SDK2: variants seen among roughly 807,000 people sequenced by gnomAD.
The protein encoded by SDK2 is protein sidekick-2.
In SDK2, 105 loss-of-function variants were observed where a neutral mutation model predicts 253.9. The observed-to-expected ratio is 0.41, with a 90% CI of 0.35 to 0.49. The LOEUF is 0.49. Among genes scored for constraint, SDK2 ranks in the 20% least tolerant of loss-of-function variants. The pLI is 0.06. For synonymous variants in SDK2, 1,249 were observed against 1,234.9 expected (o/e 1.01, Z -0.24); for missense variants, 2,608 against 3,003.0 (o/e 0.87, Z 3.07).
Position 73,622,323 on chromosome 17 carries a change from C to T in SDK2, c.64+21702G>A, listed in dbSNP as rs78681245. 4.8e-3 allele frequency among the ~76,000 whole-genome samples: 732 copies of T among 152,318 alleles called. 30 individuals are homozygous for T. Among genetic ancestry groups the T allele is most frequent in the Admixed American group, 0.031 (472 of 15,308 alleles). Reference sequence around the variant, plus strand: ...AGGGGACCCAGGGCCCTCCCTCATGCCCCCGTTATCTGCATGTGCAGATTT... The same window carrying T: ...AGGGGACCCAGGGCCCTCCCTCATGTCCCCGTTATCTGCATGTGCAGATTT... On this transcript the variant is annotated intron_variant, in intron 1 of 44. Transcript: ENST00000392650.
rs190935229 is a variant in SDK2 at position 73,570,394 on chromosome 17, C to A, written c.65-62797G>T. On this transcript the variant is annotated intron_variant, in intron 1 of 44. Transcript: ENST00000392650. The surrounding 1 kb of genome is among the most constrained non-coding windows in gnomAD (Gnocchi z 4.2). ...ATGCTCAATAAAGAGCCTCCAGGTG[C>A]ATGTGAGGGTGGGTGAGGTGGCTCC... 9.8e-5 allele frequency among the ~76,000 whole-genome samples: 15 copies of A among 152,292 alleles called. No individual in the cohort carries two copies. The highest frequency in any genetic ancestry group is 3.4e-3 in the Middle Eastern group (1 of 294).
At chr17:73,521,851 G>A (rs1260175358) in intron 1 of SDK2, among the ~76,000 whole-genome samples, 1 of 152,176 alleles carries the variant, frequency 6.6e-6, no homozygotes, top group Admixed American at 6.5e-5. Context: ...AGGATTCAAT[G>A]CCATAGAACT....
chr17:73,582,139 C>T (rs2045542776), intron 1 of SDK2, among the ~76,000 whole-genome samples: 1 of 152,330 alleles, frequency 6.6e-6, no homozygotes, highest in Non-Finnish European at 1.5e-5. Flanking sequence ...ACACACTGCA[C>T]AGGCCCGAGC....
At chr17:73,516,681 C>T (rs1487064520) in intron 1 of SDK2, 1 of 152,258 alleles carries the variant, frequency 6.6e-6, no homozygotes, top group Non-Finnish European at 1.5e-5. Flanking sequence ...CTCTTGCCCT[C>T]CTTCGTCTAA....
intron 1 of SDK2, among the ~76,000 whole-genome samples, chr17:73,558,725 C>A (rs1302144226): frequency 6.6e-6 from 1 of 152,104 alleles, no homozygotes; most frequent in Admixed American, 6.6e-5. Flanking sequence ...AAGTCAGTGC[C>A]CAAGTTAACA....
Position 73,455,996 on chromosome 17 carries a change from G to C in SDK2, c.389C>G (p.Ala130Gly). 1 of 1,546,718 alleles carries C rather than the reference G, an allele frequency of 6.5e-7. No individual in the cohort carries two copies. Among genetic ancestry groups the C allele is most frequent in the Non-Finnish European group, 8.7e-7 (1 of 1,144,596 alleles). The change falls in exon 4 of 45, where the codon GCT becomes GGT. Residue 130 changes from alanine to glycine, a missense_variant. Ala to Gly is a moderately conservative substitution (Grantham distance 60). Around this residue, in one of 2 missense-constraint regions of SDK2, gnomAD observed 1,505 missense variants for 1,859.1 expected, o/e 0.81. Transcript: ENST00000392650. This position sits in a 1 kb window ranked among gnomAD's most constrained non-coding sequence, Gnocchi z 5.0. ...KHQSVSHGEAAVIRAPRIASF... is the reference protein window; with the variant it reads ...KHQSVSHGEAGVIRAPRIASF... ...GGCGATGCGCGGGGCACGGATGACA[G>C]CTGCTTCTCCGTGGGAGACGCTCTG... is the stretch of plus-strand genomic sequence containing the variant.
intron 5 of SDK2, among the ~76,000 whole-genome samples, chr17:73,442,877 T>G (rs1051927826): frequency 4.1e-4 from 44 of 106,334 alleles, no homozygotes; most frequent in Non-Finnish European, 3.7e-4. Context: ...GTGGTAGCAA[T>G]TCCTTTTTTT....
At chr17:73,502,840 C>T (rs535283876) in intron 2 of SDK2, among the ~76,000 whole-genome samples, 8 of 152,170 alleles carry the variant, frequency 5.3e-5, no homozygotes, top group Admixed American at 1.3e-4. Flanking sequence ...TCATCAATAA[C>T]GAAGGGAAGA....
rs376429225 is a variant in SDK2 at position 73,596,000 on chromosome 17, G to T, written c.64+48025C>A. 5.9e-5 allele frequency among the ~76,000 whole-genome samples: 9 copies of T among 151,322 alleles called. No homozygotes were observed. The East Asian group carries it at 1.7e-3, about 29-fold the overall frequency. Reference sequence around the variant, plus strand: ...CAGAAGTCAGAGGTCTTGGCCTTAGGGGGATACAGTGAGGCCTCGGCACTC... The same window carrying T: ...CAGAAGTCAGAGGTCTTGGCCTTAGTGGGATACAGTGAGGCCTCGGCACTC... On this transcript the variant is annotated intron_variant, in intron 1 of 44. Transcript: ENST00000392650.
At chr17:73,401,848 C>T in intron 19 of SDK2, 96 bp from the exon 20 acceptor site, 1 of 1,410,464 alleles carries the variant, frequency 7.1e-7, no homozygotes, top group South Asian at 1.3e-5. Flanking sequence ...GGGGGTATCT[C>T]AGCCTGGGAG....
At chr17:73,490,337 C>T (rs540931841) in intron 2 of SDK2, among the ~76,000 whole-genome samples, 53 of 152,254 alleles carry the variant, frequency 3.5e-4, no homozygotes, top group African/African-American at 1.2e-3. Context: ...TCAAACTACT[C>T]GGCTTTGCTC....
rs1362908846 is a variant in SDK2 at position 73,570,988 on chromosome 17, C to T, written c.65-63391G>A. Reference sequence around the variant, plus strand: ...GGTCCTGAGTGGCTGCTGGGACCTTCCCAATGCCTGGGTGAAACTCCAGAG... The same window carrying T: ...GGTCCTGAGTGGCTGCTGGGACCTTTCCAATGCCTGGGTGAAACTCCAGAG... On this transcript the variant is annotated intron_variant, in intron 1 of 44. Transcript: ENST00000392650. The surrounding 1 kb of genome is among the most constrained non-coding windows in gnomAD (Gnocchi z 4.2). Among the ~76,000 whole-genome samples, 4 of 152,090 alleles carry T rather than the reference C, an allele frequency of 2.6e-5. No homozygotes were observed. Among genetic ancestry groups the T allele is most frequent in the Non-Finnish European group, 4.4e-5 (3 of 68,008 alleles).
In SDK2 at chr17:73,419,233, T is replaced by G; in HGVS notation, c.2119A>C (p.Ile707Leu). 1 of 1,612,966 alleles carries G rather than the reference T, an allele frequency of 6.2e-7. No individual in the cohort carries two copies. Among genetic ancestry groups the G allele is most frequent in the East Asian group, 2.2e-5 (1 of 44,874 alleles). Reference protein sequence around the residue: ...VIASGRTNQSIMIQWQPPPES... With the variant: ...VIASGRTNQSLMIQWQPPPES... ...GGAGGCGGCTGCCACTGGATCATGA[T>G]GGACTGGTTGGTTCGACCGCTGGCG... Residue 707 changes from isoleucine (I) to leucine (L), a missense_variant, in exon 16 of 45, where the codon ATC (isoleucine) becomes CTC (leucine). Physicochemically the swap from Ile to Leu is conservative, Grantham distance 5. Coordinates refer to ENST00000392650, the MANE Select transcript of SDK2 (RefSeq NM_001144952.2).
Position 73,455,876 on chromosome 17 carries a change from C to CA in SDK2, c.479+29_479+30insT. Reference sequence around the variant, plus strand: ...ACCTCCTCCCCCAGACACCCCTCCCCTCCCCGTCCCCTCAGAGCGATGCAC... The same window carrying CA: ...ACCTCCTCCCCCAGACACCCCTCCCCATCCCCGTCCCCTCAGAGCGATGCAC... On this transcript the variant is annotated intron_variant, in intron 4 of 44. Transcript: ENST00000392650. This position sits in a 1 kb window ranked among gnomAD's most constrained non-coding sequence, Gnocchi z 5.0. 1 of 1,520,550 alleles carries CA rather than the reference C, an allele frequency of 6.6e-7. No individual in the cohort carries two copies. Among genetic ancestry groups the CA allele is most frequent in the Non-Finnish European group, 8.8e-7 (1 of 1,134,994 alleles). 94.2% of individuals were successfully genotyped at this position (1,520,550 alleles called of 1,614,324 possible).
intron 1 of SDK2, among the ~76,000 whole-genome samples, chr17:73,526,591 C>T (rs1051974060): frequency 6.6e-6 from 1 of 151,830 alleles, no homozygotes; most frequent in Admixed American, 6.6e-5. Flanking sequence ...TGGGTGGTGG[C>T]GAGGCACTGG....
intron 44 of SDK2, 129 bp from the exon 45 acceptor site, chr17:73,339,069 C>T: frequency 1.2e-6 from 1 of 801,512 alleles, no homozygotes; most frequent in African/African-American, 1.7e-5. Context: ...GGACTGTGGG[C>T]CTCCCAGCCC....
chr17:73,623,787 G>C (rs943816957), intron 1 of SDK2, among the ~76,000 whole-genome samples: 1 of 152,102 alleles, frequency 6.6e-6, no homozygotes, highest in Admixed American at 6.5e-5. Context: ...CCCGTTTCCC[G>C]GATGTGAAAC....
intron 1 of SDK2, among the ~76,000 whole-genome samples, chr17:73,552,065 G>A (rs1013117072): frequency 2.8e-4 from 43 of 152,124 alleles, no homozygotes; most frequent in Admixed American, 1.0e-3. Flanking sequence ...AGTCCCCACC[G>A]CCTGCCCCCC....
chr17:73,507,115 C>T (rs1425657503), intron 2 of SDK2, among the ~76,000 whole-genome samples: 1 of 152,200 alleles, frequency 6.6e-6, no homozygotes, highest in Non-Finnish European at 1.5e-5. Flanking sequence ...GAGCAGGGGG[C>T]CACAGTCACA....
Sources: allele counts gnomAD v4.1 joint callset (sites outside exome capture counted in the v4.1 genomes callset), GRCh38; gene constraint gnomAD v4.1.1; regional missense constraint gnomAD v4.1.1; non-coding constraint Gnocchi (gnomAD v3.1); transcripts MANE v1.5; gene names NCBI Gene and HGNC (gene_info 2026-07-23, HGNC 2026-07-21).